The following MAP4K3 variants were observed in gnomAD, a reference collection of about 807,000 sequenced individuals.
The protein encoded by MAP4K3 is mitogen-activated protein kinase kinase kinase kinase 3.
MAP4K3 carries 94 observed loss-of-function variants against 143.5 expected under a neutral mutation model. That is an observed-to-expected ratio of 0.65 (90% confidence interval 0.55 to 0.78). The LOEUF is 0.78. Ranked by LOEUF, MAP4K3 falls within the 30% of genes least tolerant of loss-of-function variation. MAP4K3 has a pLI of 0.00. For missense variants in MAP4K3, 1,077 were observed against 1,068.1 expected, an observed-to-expected ratio of 1.01 and a Z score of -0.12; for synonymous variants, 416 against 347.2, an observed-to-expected ratio of 1.20 and a Z score of -2.20.
At position 39,259,927 on chromosome 2, in the gene MAP4K3, TAAC is replaced by T. The variant is rs1680498198; in HGVS notation, c.2308+676_2308+678del. ...TAAAATACATATCACCAAAATCAAA[TAAC>T]AACCCAGGTGTATACCTCATTTTAT... is the stretch of plus-strand genomic sequence containing the variant. On this transcript the variant is annotated intron_variant, in intron 29 of 33. Transcript: ENST00000263881. Among the ~76,000 whole-genome samples, 5 of 152,278 alleles carry T rather than the reference TAAC, an allele frequency of 3.3e-5. No individual in the cohort carries two copies. In the South Asian group the frequency reaches 6.2e-4, roughly 19 times the overall value.
At chr2:39,340,456 T>C (rs1291074007) in intron 4 of MAP4K3, among the ~76,000 whole-genome samples, 1 of 152,240 alleles carries the variant, frequency 6.6e-6, no homozygotes, top group Non-Finnish European at 1.5e-5. Flanking sequence ...GCCATTTTTT[T>C]CCACTGAGCC....
At position 39,337,561 on chromosome 2, in the gene MAP4K3, G is replaced by T. The variant is rs372974663; in HGVS notation, c.331C>A (p.Leu111Met). The T allele has an allele frequency of 6.2e-7, 1 of 1,611,106 alleles. No individual in the cohort carries two copies. The highest frequency in any genetic ancestry group is 8.5e-7 in the Non-Finnish European group (1 of 1,177,940). Residue 111 changes from leucine (L) to methionine (M), a missense_variant, in exon 5 of 34, where the codon CTG becomes ATG. Physicochemically the swap from Leu to Met is conservative, Grantham distance 15. Coordinates refer to ENST00000263881, the MANE Select transcript of MAP4K3 (RefSeq NM_003618.4). ...IYHVTGPLSE[L>M]QIAYVSRETL... is the part of the protein sequence containing the mutation. ...TCTCTGCTAACATATGCAATTTGCA[G>T]TTCTGACAGAGGTCCAGTTACTGTA...
rs1665253624 is a variant in MAP4K3, at chr2:39,345,249, A to T, written c.246-1797T>A. On this transcript the variant is annotated intron_variant, in intron 3 of 33. Transcript: ENST00000263881. ...AAAAGTTAGCCAGGAGAAGTGGTGC[A>T]TACCTGTAGTCTCACCTACTCAGGA... Among the ~76,000 whole-genome samples, 3 of 149,712 alleles carry T rather than the reference A, an allele frequency of 2.0e-5. No homozygotes were observed. The South Asian group carries it at 6.4e-4, about 32-fold the overall frequency.
At chr2:39,326,386 C>G in intron 8 of MAP4K3, 109 bp from the exon 9 acceptor site, 1 of 1,258,766 alleles carries the variant, frequency 7.9e-7, no homozygotes, top group Admixed American at 2.3e-5. Context: ...CCTCTTTAGG[C>G]CTTGGTTTTT....
intron 28 of MAP4K3, among the ~76,000 whole-genome samples, chr2:39,263,469 C>T (rs1479977775): frequency 2.1e-5 from 3 of 145,702 alleles, no homozygotes; most frequent in Non-Finnish European, 3.0e-5. Flanking sequence ...TTAGTAGAGA[C>T]GGGGTTTCAC....
chr2:39,360,005 G>A (rs1444077323), intron 2 of MAP4K3, among the ~76,000 whole-genome samples: 3 of 152,346 alleles, frequency 2.0e-5, no homozygotes, highest in Non-Finnish European at 4.4e-5. Flanking sequence ...TTGGCTCCTT[G>A]TTACTTATGT....
intron 16 of MAP4K3, among the ~76,000 whole-genome samples, chr2:39,298,554 A>C (rs1682377929): frequency 6.6e-6 from 1 of 152,228 alleles, no homozygotes; most frequent in African/African-American, 2.4e-5. Flanking sequence ...GAGAAACATG[A>C]TTTTGCATTA....
rs144593251 is a variant in MAP4K3, at chr2:39,415,525, ATTAC to A, written c.96+21363_96+21366del. The stretch of plus-strand genomic sequence containing the variant: ...TTATGGTGAAAAGATAACCGTACGT[ATTAC>A]TTCAATGAGGATCAATCACACTGTG... On this transcript the variant is annotated intron_variant, in intron 1 of 33. Coordinates refer to ENST00000263881, the MANE Select transcript of MAP4K3 (RefSeq NM_003618.4). 1.7e-3 allele frequency among the ~76,000 whole-genome samples: 261 copies of A among 152,262 alleles called. 6 individuals carry two copies. The East Asian group carries it at 0.025, about 14-fold the overall frequency.
At position 39,327,169 on chromosome 2, in the gene MAP4K3, A is replaced by G. The variant is rs185341958; in HGVS notation, c.531-892T>C. Among the ~76,000 whole-genome samples the G allele has an allele frequency of 9.8e-5, 15 of 152,340 alleles. No homozygotes were observed. The East Asian group carries it at 2.9e-3, about 29-fold the overall frequency. ...GCAACCTATAGCTCTACTTCCTGTTATCAAAAAACTGCGACCAGGCAATCC... is the reference window on the plus strand; with the variant it reads ...GCAACCTATAGCTCTACTTCCTGTTGTCAAAAAACTGCGACCAGGCAATCC... On this transcript the variant is annotated intron_variant, in intron 8 of 33. Transcript: ENST00000263881.
intron 14 of MAP4K3, among the ~76,000 whole-genome samples, chr2:39,308,414 A>G (rs1301199460): frequency 6.6e-6 from 1 of 152,210 alleles, no homozygotes; most frequent in Non-Finnish European, 1.5e-5. Flanking sequence ...CCACACTGGT[A>G]CACTGAATTA....
At chr2:39,262,262 C>G (rs1680600758) in intron 28 of MAP4K3, among the ~76,000 whole-genome samples, 1 of 152,194 alleles carries the variant, frequency 6.6e-6, no homozygotes, top group Non-Finnish European at 1.5e-5. Context: ...GTACTCATGG[C>G]TGGAATGTGA....
intron 1 of MAP4K3, 22 bp from the exon 2 acceptor site, chr2:39,378,145 G>C (rs774618599): frequency 7.0e-6 from 10 of 1,427,140 alleles, no homozygotes; most frequent in African/African-American, 1.4e-5. Context: ...AGGAAAAAAG[G>C]ATTATTGTGA....
chr2:39,388,157 G>T (rs1484880733), intron 1 of MAP4K3, among the ~76,000 whole-genome samples: 1 of 152,160 alleles, frequency 6.6e-6, no homozygotes, highest in Non-Finnish European at 1.5e-5. Flanking sequence ...CTGAGTTTGG[G>T]AAAGCATAAG....
intron 26 of MAP4K3, chr2:39,271,860 G>C (rs947544307): frequency 6.2e-6 from 1 of 161,352 alleles, no homozygotes; most frequent in African/African-American, 2.4e-5. Context: ...GCCTCTCAAA[G>C]TATTGGGATT....
At chr2:39,347,962 C>T (rs188100899) in intron 3 of MAP4K3, among the ~76,000 whole-genome samples, 36 of 152,080 alleles carry the variant, frequency 2.4e-4, no homozygotes, top group African/African-American at 6.3e-4. Flanking sequence ...CATTGTTGAT[C>T]TCTAATCTCT....
At chr2:39,268,599 G>C (rs558900444) in intron 26 of MAP4K3, among the ~76,000 whole-genome samples, 1 of 147,000 alleles carries the variant, frequency 6.8e-6, no homozygotes, top group Non-Finnish European at 1.5e-5. Context: ...GGGATTACAG[G>C]TGTGAGCCAC....
At chr2:39,418,378 C>G (rs942741531) in intron 1 of MAP4K3, among the ~76,000 whole-genome samples, 1 of 152,086 alleles carries the variant, frequency 6.6e-6, no homozygotes, top group Non-Finnish European at 1.5e-5. Flanking sequence ...TATAAAATAA[C>G]TGAATAAATA....
At chr2:39,360,717 T>C (rs898635317) in intron 2 of MAP4K3, among the ~76,000 whole-genome samples, 4 of 152,162 alleles carry the variant, frequency 2.6e-5, no homozygotes, top group African/African-American at 4.8e-5. Context: ...CACATCCTTC[T>C]TCACATGGTG....
chr2:39,371,981 C>G (rs2178762), intron 2 of MAP4K3, among the ~76,000 whole-genome samples: 134,235 of 150,998 alleles, frequency 0.89, 59,870 homozygotes, highest in Non-Finnish European at 0.92. Flanking sequence ...ATCCAAATTG[C>G]AAAGGAAGCA....
Sources: allele counts gnomAD v4.1 joint callset (sites outside exome capture counted in the v4.1 genomes callset), GRCh38; gene constraint gnomAD v4.1.1; transcripts MANE v1.5; gene names NCBI Gene and HGNC (gene_info 2026-07-23, HGNC 2026-07-21).